TMEM266: variants seen among roughly 807,000 people sequenced by gnomAD.
TMEM266 encodes the protein Hv1 related protein 1.
TMEM266 carries 33 observed loss-of-function variants against 50.5 expected under a neutral mutation model. The observed-to-expected ratio is 0.65, with a 90% CI of 0.50 to 0.87. The LOEUF is 0.87. TMEM266 is among the 40% of genes least tolerant of loss of function. The probability of loss-of-function intolerance (pLI) is 0.00; values close to 1 mark genes in which losing one functional copy is unlikely to be tolerated. For missense variants in TMEM266, 655 were observed against 695.1 expected, an observed-to-expected ratio of 0.94 and a Z score of 0.65; for synonymous variants, 310 against 292.3, an observed-to-expected ratio of 1.06 and a Z score of -0.62.
At chr15:76,063,039 G>GT (rs1258552401) in intron 1 of TMEM266, among the ~76,000 whole-genome samples, 4 of 152,106 alleles carry the variant, frequency 2.6e-5, no homozygotes, top group Non-Finnish European at 5.9e-5. Context: ...TATGAAATGT[G>GT]TTTTTTCTTA....
intron 3 of TMEM266, among the ~76,000 whole-genome samples, chr15:76,143,494 A>G (rs1277506731): frequency 6.6e-6 from 1 of 152,188 alleles, no homozygotes; most frequent in Non-Finnish European, 1.5e-5. Flanking sequence ...GTCTGCTGTT[A>G]TAACCATGAC....
chr15:76,106,267 A>G (rs2959834), intron 1 of TMEM266, among the ~76,000 whole-genome samples: 150,304 of 152,292 alleles, frequency 0.99, 74,201 homozygotes, highest in East Asian at 1. Context: ...CCCACTGGGA[A>G]TGCCCTCTCC....
chr15:76,194,743 C>T (rs1047301097), intron 9 of TMEM266, among the ~76,000 whole-genome samples: 4 of 152,164 alleles, frequency 2.6e-5, no homozygotes, highest in African/African-American at 7.2e-5. Flanking sequence ...CTGCACATGG[C>T]GTCCTCTCTA....
intron 2 of TMEM266, among the ~76,000 whole-genome samples, chr15:76,136,848 C>T (rs2037596882): frequency 6.6e-6 from 1 of 152,112 alleles, no homozygotes; most frequent in South Asian, 2.1e-4. Context: ...CGTCCCCAGC[C>T]CTACTTAAAT....
At chr15:76,184,252 T>C (rs1337293845) in intron 8 of TMEM266, among the ~76,000 whole-genome samples, 1 of 152,060 alleles carries the variant, frequency 6.6e-6, no homozygotes, top group Non-Finnish European at 1.5e-5. Flanking sequence ...GGAAGTGAAA[T>C]TTTTTTTAAG....
At chr15:76,113,480 T>C (rs1346266297) in intron 1 of TMEM266, 2 of 152,268 alleles carry the variant, frequency 1.3e-5, no homozygotes, top group African/African-American at 2.4e-5. Context: ...TGGGGCCAGA[T>C]GGTGGAAGGC....
rs571235949 is a variant in TMEM266 at position 76,171,307 on chromosome 15, A to G, written c.652+176A>G. ...CTCACTCGCCATCACGCGTTCATGC[A>G]CACTGCCAGGGTGTCACACGTACAC... On this transcript the variant is annotated intron_variant, in intron 7 of 10. Transcript: ENST00000388942. Among the ~76,000 whole-genome samples, 3 of 152,314 alleles carry G rather than the reference A, an allele frequency of 2.0e-5. No homozygotes were observed. In the East Asian group the frequency reaches 5.8e-4, roughly 29 times the overall value.
At chr15:76,191,457 T>G (rs936279457) in intron 8 of TMEM266, 2 of 152,446 alleles carry the variant, frequency 1.3e-5, no homozygotes, top group Admixed American at 1.3e-4. Flanking sequence ...GGTCTGGTCC[T>G]GGGTGCCTCC....
chr15:76,094,070 G>A (rs947909380), intron 1 of TMEM266, among the ~76,000 whole-genome samples: 5 of 152,012 alleles, frequency 3.3e-5, no homozygotes, highest in African/African-American at 1.2e-4. Context: ...TAGGTTGCCT[G>A]TTCACTCTGA....
At chr15:76,088,247 G>A (rs1567146261) in intron 1 of TMEM266, among the ~76,000 whole-genome samples, 1 of 152,174 alleles carries the variant, frequency 6.6e-6, no homozygotes, top group African/African-American at 2.4e-5. Context: ...TAGCCATAGA[G>A]GAAGATGAAA....
intron 1 of TMEM266, among the ~76,000 whole-genome samples, chr15:76,074,455 C>A (rs1483123440): frequency 2.0e-5 from 3 of 151,964 alleles, no homozygotes; most frequent in Non-Finnish European, 2.9e-5. Flanking sequence ...TTTGCACTAC[C>A]CCCACTTTAT....
intron 1 of TMEM266, among the ~76,000 whole-genome samples, chr15:76,104,965 A>G (rs1044352999): frequency 8.5e-5 from 13 of 152,238 alleles, no homozygotes; most frequent in Admixed American, 8.5e-4. Flanking sequence ...CACACCTGTA[A>G]TCCCAACACT....
At chr15:76,060,094 G>A (rs1333459331) in intron 1 of TMEM266, 78 bp downstream of exon 1, 1 of 146,814 alleles carries the variant, frequency 6.8e-6, no homozygotes, top group Non-Finnish European at 1.5e-5. Context: ...GGCGGGGGGT[G>A]GGGGGACCGG....
At chr15:76,134,584 A>T (rs1466778554) in intron 2 of TMEM266, among the ~76,000 whole-genome samples, 1 of 152,222 alleles carries the variant, frequency 6.6e-6, no homozygotes, top group Non-Finnish European at 1.5e-5. Flanking sequence ...AATTGCTTTC[A>T]TTTCCCAAAA....
intron 8 of TMEM266, chr15:76,191,676 T>C (rs2038572093): frequency 2.8e-6 from 1 of 362,206 alleles, no homozygotes; most frequent in South Asian, 5.1e-5. Context: ...TCCAGTGGCC[T>C]TTCCACAAAG....
chr15:76,181,135 G>C (rs796393784), intron 8 of TMEM266: 9 of 152,384 alleles, frequency 5.9e-5, no homozygotes, highest in African/African-American at 1.9e-4. Flanking sequence ...GCCCAATCCA[G>C]GATTTGGCAG....
chr15:76,124,725 C>T (rs1366401539), intron 1 of TMEM266, among the ~76,000 whole-genome samples: 13 of 152,092 alleles, frequency 8.5e-5, no homozygotes, highest in South Asian at 8.3e-4. Flanking sequence ...CTTGAGCCCA[C>T]GTGTTTCAGG....
At chr15:76,198,102 T>G (rs940105136) in intron 9 of TMEM266, among the ~76,000 whole-genome samples, 5 of 152,040 alleles carry the variant, frequency 3.3e-5, no homozygotes, top group Admixed American at 3.3e-4. Flanking sequence ...GGCTAAACAT[T>G]CATGATCTCA....
chr15:76,153,498 A>G lies in TMEM266; in HGVS notation c.228-3106A>G, dbSNP rs1486769769. 6.6e-6 allele frequency among the ~76,000 whole-genome samples: 1 copy of G among 152,210 alleles called. No homozygotes were observed. Among genetic ancestry groups the G allele is most frequent in the African/African-American group, 2.4e-5 (1 of 41,446 alleles). On this transcript the variant is annotated intron_variant, in intron 3 of 10. Transcript: ENST00000388942. The surrounding 1 kb of genome is among the most constrained non-coding windows in gnomAD (Gnocchi z 4.2). Reference sequence around the variant, plus strand: ...AGATTTCAAATGACAATGACATGCCATCAGTTTTAGGGGCCGCAGACAACG... The same window carrying G: ...AGATTTCAAATGACAATGACATGCCGTCAGTTTTAGGGGCCGCAGACAACG...
Sources: gnomAD v4.1 joint callset for allele counts (sites outside exome capture counted in the v4.1 genomes callset) on GRCh38, gnomAD v4.1.1 for gene constraint, Gnocchi (gnomAD v3.1) non-coding constraint, MANE v1.5 for transcripts, NCBI Gene and HGNC (gene_info 2026-07-23, HGNC 2026-07-21) for gene names.